Variants in STK32B observed in about 807,000 individuals in gnomAD.
STK32B encodes serine/threonine kinase 32B.
STK32B carries 43 observed loss-of-function variants against 52.6 expected under a neutral mutation model. The observed-to-expected ratio is 0.82, with a 90% CI of 0.64 to 1.05. The LOEUF is 1.05. STK32B is among the 50% of genes least tolerant of loss of function. The pLI is 0.00. For synonymous variants in STK32B, 238 were observed against 204.3 expected (o/e 1.17, Z -1.41); for missense variants, 621 against 534.6 (o/e 1.16, Z -1.59).
In STK32B at chr4:5,396,730, G is replaced by A. The variant is rs1736944635; in HGVS notation, c.435-1477G>A. ...GATAAGCTTGAACATTTGCTGCTGT[G>A]TTTTCATTCTTGACATGTATTTTAT... is the stretch of plus-strand genomic sequence containing the variant. On this transcript the variant is annotated intron_variant, in intron 4 of 11. Transcript: ENST00000282908. The surrounding 1 kb of genome is among the most constrained non-coding windows in gnomAD (Gnocchi z 4.7). Among the ~76,000 whole-genome samples, 1 of 152,170 alleles carries A rather than the reference G, an allele frequency of 6.6e-6. No homozygotes were observed. The highest frequency in any genetic ancestry group is 2.1e-4 in the South Asian group (1 of 4,826).
chr4:5,225,827 A>AG (rs1723831196), intron 3 of STK32B, among the ~76,000 whole-genome samples: 1 of 152,220 alleles, frequency 6.6e-6, no homozygotes, highest in Admixed American at 6.5e-5. Context: ...CACATGGAAG[A>AG]GGGAAATAGT....
At chr4:5,238,130 C>CAACAG (rs1313292651) in intron 3 of STK32B, among the ~76,000 whole-genome samples, 1 of 152,146 alleles carries the variant, frequency 6.6e-6, no homozygotes, top group African/African-American at 2.4e-5. Context: ...AAGATGACCA[C>CAACAG]AAACTGGGTG....
intron 1 of STK32B, among the ~76,000 whole-genome samples, chr4:5,074,520 C>G (rs888096337): frequency 4.6e-5 from 7 of 151,564 alleles, no homozygotes; most frequent in Admixed American, 3.3e-4. Context: ...GTTTTCTTTA[C>G]CATGGAACAC....
rs554268671 is a variant in STK32B at position 5,376,325 on chromosome 4, C to T, written c.435-21882C>T. On this transcript the variant is annotated intron_variant, in intron 4 of 11. Transcript: ENST00000282908. Reference sequence around the variant, plus strand: ...TCATTCATCGCCAAATAAATATTTACTGTATGGCAGGTGCTCAGATAGCAC... The same window carrying T: ...TCATTCATCGCCAAATAAATATTTATTGTATGGCAGGTGCTCAGATAGCAC... Among the ~76,000 whole-genome samples the T allele has an allele frequency of 2.0e-5, 3 of 152,314 alleles. No homozygotes were observed. The East Asian group carries it at 5.8e-4, about 29-fold the overall frequency.
intron 3 of STK32B, among the ~76,000 whole-genome samples, chr4:5,255,306 T>C (rs1161225827): frequency 6.6e-6 from 1 of 152,226 alleles, no homozygotes; most frequent in Non-Finnish European, 1.5e-5. Flanking sequence ...TTTAATGAGA[T>C]TTGATGTCTA....
At chr4:5,189,978 G>T (rs1201267930) in intron 3 of STK32B, among the ~76,000 whole-genome samples, 1 of 152,124 alleles carries the variant, frequency 6.6e-6, no homozygotes. Context: ...GTTGTCGAAT[G>T]AACCAATTGA....
rs146017036 is a variant in STK32B, at chr4:5,254,965, A to AATATATATATATATATATATATATAT, written c.261-76243_261-76242insATATATATATATATATATATATATAT. Among the ~76,000 whole-genome samples, 60 of 144,396 alleles carry AATATATATATATATATATATATATAT rather than the reference A, an allele frequency of 4.2e-4. 1 individual carries two copies. Among genetic ancestry groups the AATATATATATATATATATATATATAT allele is most frequent in the Middle Eastern group, 3.6e-3 (1 of 278 alleles). The allele number at this position is 144,396 out of a possible 152,430, so 94.7% of individuals were successfully genotyped here. A position where few individuals can be genotyped will look rare whatever the true frequency, so the allele number is the denominator to read the frequency against. On this transcript the variant is annotated intron_variant, in intron 3 of 11. Transcript: ENST00000282908. ...TTATTACTAGTTGGTATCATTCACT[A>AATATATATATATATATATATATATAT]ATATATATATATGTTTATTGAGCAT...
At chr4:5,254,371 A>AT (rs1425064737) in intron 3 of STK32B, among the ~76,000 whole-genome samples, 1 of 147,006 alleles carries the variant, frequency 6.8e-6, no homozygotes, top group African/African-American at 2.7e-5. Context: ...TATATTGTTT[A>AT]TTTGTTTTTA....
intron 1 of STK32B, among the ~76,000 whole-genome samples, chr4:5,133,204 G>A (rs1715884258): frequency 1.3e-5 from 2 of 152,300 alleles, no homozygotes; most frequent in African/African-American, 4.8e-5. Context: ...GTTGGTTCCC[G>A]GTACGTAGTA....
rs76148164 is a variant in STK32B at position 5,399,197 on chromosome 4, G to A, written c.472+953G>A. The stretch of plus-strand genomic sequence containing the variant: ...GGCCCGTCTCTCAGGGCCTAACATG[G>A]GGTTGGCTGGAGGGAGCAGGTGCGA... On this transcript the variant is annotated intron_variant, in intron 5 of 11. Coordinates refer to ENST00000282908, the MANE Select transcript of STK32B (RefSeq NM_018401.3). The surrounding 1 kb of genome is among the most constrained non-coding windows in gnomAD (Gnocchi z 5.4). 6.6e-3 allele frequency among the ~76,000 whole-genome samples: 996 copies of A among 150,666 alleles called. 7 individuals are homozygous for A. Among genetic ancestry groups the A allele is most frequent in the African/African-American group, 0.022 (923 of 41,464 alleles).
At chr4:5,497,549 A>G (rs1720390038) in intron 11 of STK32B, among the ~76,000 whole-genome samples, 1 of 152,208 alleles carries the variant, frequency 6.6e-6, no homozygotes, top group African/African-American at 2.4e-5. Context: ...GGGCAGAGGA[A>G]CTGCCCACCT....
chr4:5,389,714 A>G (rs1232215430), intron 4 of STK32B, among the ~76,000 whole-genome samples: 1 of 151,982 alleles, frequency 6.6e-6, no homozygotes, highest in African/African-American at 2.4e-5. Flanking sequence ...GGGCTGTGCA[A>G]TAGACTGAAA....
At chr4:5,352,996 T>C (rs1170041765) in intron 4 of STK32B, among the ~76,000 whole-genome samples, 6 of 152,076 alleles carry the variant, frequency 3.9e-5, no homozygotes, top group Admixed American at 2.6e-4. Context: ...TCAAAATAAC[T>C]GACTTCAGAA....
intron 4 of STK32B, among the ~76,000 whole-genome samples, chr4:5,334,624 A>G (rs1279835544): frequency 6.6e-6 from 1 of 152,024 alleles, no homozygotes; most frequent in African/African-American, 2.4e-5. Flanking sequence ...TGTCATAGAT[A>G]GCTCTTATTA....
chr4:5,186,698 C>G (rs1384759011), intron 3 of STK32B, among the ~76,000 whole-genome samples: 1 of 152,134 alleles, frequency 6.6e-6, no homozygotes, highest in Non-Finnish European at 1.5e-5. Flanking sequence ...TTAGCGATGT[C>G]TTCATCAGTC....
chr4:5,307,911 C>T (rs1730036234), intron 3 of STK32B, among the ~76,000 whole-genome samples: 1 of 151,962 alleles, frequency 6.6e-6, no homozygotes, highest in African/African-American at 2.4e-5. Context: ...AGGATGTAGC[C>T]ACCCAGCAGA....
chr4:5,315,070 A>G (rs1217503492), intron 3 of STK32B, among the ~76,000 whole-genome samples: 1 of 152,178 alleles, frequency 6.6e-6, no homozygotes, highest in Admixed American at 6.5e-5. Flanking sequence ...TTTGCAAACC[A>G]CATATTTGAC....
At chr4:5,445,704 T>C (rs1241961464) in intron 6 of STK32B, among the ~76,000 whole-genome samples, 2 of 152,150 alleles carry the variant, frequency 1.3e-5, no homozygotes, top group Non-Finnish European at 2.9e-5. Flanking sequence ...AAGTGAACAA[T>C]TCAGTAGCAT....
chr4:5,407,716 T>G (rs1179590162), intron 5 of STK32B, among the ~76,000 whole-genome samples: 1 of 152,032 alleles, frequency 6.6e-6, no homozygotes, highest in African/African-American at 2.4e-5. Flanking sequence ...ACTCACTCAC[T>G]AGTACAAAAA....
Sources: gnomAD v4.1 joint callset for allele counts (sites outside exome capture counted in the v4.1 genomes callset) on GRCh38, gnomAD v4.1.1 for gene constraint, Gnocchi (gnomAD v3.1) non-coding constraint, MANE v1.5 for transcripts, NCBI Gene and HGNC (gene_info 2026-07-23, HGNC 2026-07-21) for gene names.